Variants in STX1B observed in about 807,000 individuals in gnomAD.
The protein encoded by STX1B is syntaxin-1B.
A neutral mutation model predicts 39.4 loss-of-function variants in STX1B; 7 were observed. The ratio of observed to expected loss-of-function variants is 0.18; its 90% CI spans 0.10 to 0.33. The LOEUF is 0.33. Among genes scored for constraint, STX1B ranks in the 10% least tolerant of loss-of-function variants. The pLI is 1.00. For missense variants in STX1B, 198 were observed against 383.2 expected, an observed-to-expected ratio of 0.52 and a Z score of 4.04; for synonymous variants, 136 against 144.1, an observed-to-expected ratio of 0.94 and a Z score of 0.40.
rs899117418 is a variant in STX1B, at chr16:30,991,935, C to T, written c.*886G>A. On this transcript the variant is annotated 3_prime_UTR_variant, in exon 10 of 10. Transcript: ENST00000215095. ...CACCATGTAGAGAGCCCCTAACACA[C>T]ACACACACGTGCATACACACGCACG... 1 of 152,238 alleles carries T rather than the reference C, an allele frequency of 6.6e-6. No individual in the cohort carries two copies. Among genetic ancestry groups the T allele is most frequent in the African/African-American group, 2.4e-5 (1 of 41,418 alleles). The allele number at this position is 152,238 out of a possible 1,614,324, so 9.4% of individuals were successfully genotyped here. A position where few individuals can be genotyped will look rare whatever the true frequency, so the allele number is the denominator to read the frequency against.
Position 31,001,152 on chromosome 16 carries a change from A to G in STX1B, c.147T>C (p.Asp49=), listed in dbSNP as rs1414837055. The part of the protein sequence containing the change: ...IRGCIEKLSE[D]VEQVKKQHSA... ...TATGCTGTTTTTTCACCTGCTCCAC[A>G]TCCTCCGACAGTTTCTCAATGCAGC... is the stretch of plus-strand genomic sequence containing the variant. Residue 49 remains aspartate, a synonymous_variant, in exon 3 of 10, where the codon GAT becomes GAC. Transcript: ENST00000215095. The surrounding 1 kb of genome is among the most constrained non-coding windows in gnomAD (Gnocchi z 5.5). 1.9e-6 allele frequency: 3 copies of G among 1,613,874 alleles called. No homozygotes were observed. The highest frequency in any genetic ancestry group is 1.1e-5 in the South Asian group (1 of 91,074).
chr16:30,992,788 G>C lies in STX1B; in HGVS notation c.*33C>G. ...GGGTATTGCTCCCGATGTGGTGGGG[G>C]AAGGGTCTGGGAGAGAGAAGGGTGG... On this transcript the variant is annotated 3_prime_UTR_variant, in exon 10 of 10. Transcript: ENST00000215095. The C allele has an allele frequency of 7.4e-7, 1 of 1,343,954 alleles. No individual in the cohort carries two copies. The highest frequency in any genetic ancestry group is 1.0e-6 in the Non-Finnish European group (1 of 966,888). 83.3% of individuals were successfully genotyped at this position (1,343,954 alleles called of 1,614,324 possible).
chr16:30,993,428 G>A lies in STX1B; in HGVS notation c.594C>T (p.His198=). Residue 198 remains histidine (H), a synonymous_variant, in exon 8 of 10, where the codon CAC becomes CAT. Transcript: ENST00000215095. Reference sequence around the variant, plus strand: ...TGGTCTCCAGCTTGATGATCTCATTGTGCCTCGTCTCAATCTCATTCAGCG... The same window carrying A: ...TGGTCTCCAGCTTGATGATCTCATTATGCCTCGTCTCAATCTCATTCAGCG... ...KQALNEIETR[H]NEIIKLETSI... is the part of the protein sequence containing the mutation. The A allele has an allele frequency of 6.2e-7, 1 of 1,614,008 alleles. No homozygotes were observed. The highest frequency in any genetic ancestry group is 1.3e-5 in the African/African-American group (1 of 75,016).
chr16:30,990,889 AGGTGTCGGGGAT>A lies in STX1B; in HGVS notation c.*1920_*1931del, dbSNP rs1230275080. ...GAGCAGCCTGAGGGTTCAGCAGGAG[AGGTGTCGGGGAT>A]GGGTCTCAGGACCCAGCCCACCCTG... On this transcript the variant is annotated 3_prime_UTR_variant, in exon 10 of 10. Coordinates refer to ENST00000215095, the MANE Select transcript of STX1B (RefSeq NM_052874.5). 1 of 152,118 alleles carries A rather than the reference AGGTGTCGGGGAT, an allele frequency of 6.6e-6. No individual in the cohort carries two copies. The highest frequency in any genetic ancestry group is 2.4e-5 in the African/African-American group (1 of 41,418). 9.4% of individuals were successfully genotyped at this position (152,118 alleles called of 1,614,324 possible).
In STX1B at chr16:30,989,492, C is replaced by T. The variant is rs2056535981; in HGVS notation, c.*3329G>A. 6.6e-6 allele frequency: 1 copy of T among 152,156 alleles called. No individual in the cohort carries two copies. Among genetic ancestry groups the T allele is most frequent in the Non-Finnish European group, 1.5e-5 (1 of 68,036 alleles). 9.4% of individuals were successfully genotyped at this position (152,156 alleles called of 1,614,324 possible). A position where few individuals can be genotyped will look rare whatever the true frequency, so the allele number is the denominator to read the frequency against. ...CTGGCTCTGGGCCCCAGCCAGGCCCCAGGAGTCCTGTCCCCTCTGAGAAGG... is the reference window on the plus strand; with the variant it reads ...CTGGCTCTGGGCCCCAGCCAGGCCCTAGGAGTCCTGTCCCCTCTGAGAAGG... On this transcript the variant is annotated 3_prime_UTR_variant, in exon 10 of 10. Transcript: ENST00000215095.
In STX1B at chr16:31,001,036, G is replaced by A; in HGVS notation, c.206-34C>T. On this transcript the variant is annotated intron_variant, in intron 3 of 9. Coordinates refer to ENST00000215095, the MANE Select transcript of STX1B (RefSeq NM_052874.5). This position sits in a 1 kb window ranked among gnomAD's most constrained non-coding sequence, Gnocchi z 5.5. ...AGGGCGAGGGCAAGTGAGATGTCTG[G>A]GTGGGAACCCCAGGCCCCTTCTCCT... 6.2e-7 allele frequency: 1 copy of A among 1,614,038 alleles called. No individual in the cohort carries two copies. Among genetic ancestry groups the A allele is most frequent in the Non-Finnish European group, 8.5e-7 (1 of 1,179,890 alleles).
intron 1 of STX1B, among the ~76,000 whole-genome samples, chr16:31,003,750 T>C (rs2056643426): frequency 6.6e-6 from 1 of 152,228 alleles, no homozygotes; most frequent in South Asian, 2.1e-4. Flanking sequence ...GGCCCAAGTG[T>C]GGTTTATTTG....
chr16:31,006,556 G>A (rs2056655935), intron 1 of STX1B, among the ~76,000 whole-genome samples: 1 of 152,186 alleles, frequency 6.6e-6, no homozygotes, highest in Non-Finnish European at 1.5e-5. Flanking sequence ...ATTTCAGATT[G>A]TGCTGAATAG....
At chr16:31,010,331 G>A in intron 1 of STX1B, 36 bp downstream of exon 1, 1 of 1,164,714 alleles carries the variant, frequency 8.6e-7, no homozygotes, top group African/African-American at 1.6e-5. Flanking sequence ...CAATATTGGG[G>A]TCCCGCCCCC....
At chr16:31,008,139 C>T (rs900925786) in intron 1 of STX1B, among the ~76,000 whole-genome samples, 44 of 152,148 alleles carry the variant, frequency 2.9e-4, no homozygotes, top group African/African-American at 9.9e-4. Context: ...CCAGGTCCCC[C>T]ACACCCTGCC....
intron 7 of STX1B, among the ~76,000 whole-genome samples, chr16:30,994,892 CTTTTTT>C (rs10524041): frequency 1.3e-3 from 126 of 99,810 alleles, no homozygotes; most frequent in Admixed American, 1.5e-3. Context: ...GTCTCCCCGT[CTTTTTT>C]TTTTTTTTTT....
rs1299977592 is a variant in STX1B at position 31,001,017 on chromosome 16, AG to A, written c.206-16del. 1 of 1,614,112 alleles carries A rather than the reference AG, an allele frequency of 6.2e-7. No homozygotes were observed. The highest frequency in any genetic ancestry group is 8.5e-7 in the Non-Finnish European group (1 of 1,180,012). ...CTGTTTGGTCTCTGAGGGGAGGGCGAGGGCAAGTGAGATGTCTGGGTGGGAA... is the reference window on the plus strand; with the variant it reads ...CTGTTTGGTCTCTGAGGGGAGGGCGAGGCAAGTGAGATGTCTGGGTGGGAA... On this transcript the variant is annotated splice_polypyrimidine_tract_variant and intron_variant, in intron 3 of 9. Coordinates refer to ENST00000215095, the MANE Select transcript of STX1B (RefSeq NM_052874.5). This position sits in a 1 kb window ranked among gnomAD's most constrained non-coding sequence, Gnocchi z 5.5.
chr16:31,003,568 G>A (rs954573275), intron 1 of STX1B, among the ~76,000 whole-genome samples: 7 of 152,118 alleles, frequency 4.6e-5, no homozygotes, highest in Admixed American at 4.6e-4. Flanking sequence ...GGGTGCCTGA[G>A]GACTTTCCTG....
At position 31,010,355 on chromosome 16, in the gene STX1B, C is replaced by T; in HGVS notation, c.30+12G>A. On this transcript the variant is annotated intron_variant, in intron 1 of 9. Transcript: ENST00000215095. Reference sequence around the variant, plus strand: ...GGTCCCGCCCCCCCATTCTCCCCACCCCCAAGCTCACACTCCGCAGCTCTT... The same window carrying T: ...GGTCCCGCCCCCCCATTCTCCCCACTCCCAAGCTCACACTCCGCAGCTCTT... 1 of 1,490,368 alleles carries T rather than the reference C, an allele frequency of 6.7e-7. No homozygotes were observed. The highest frequency in any genetic ancestry group is 9.0e-7 in the Non-Finnish European group (1 of 1,108,248). 92.3% of individuals were successfully genotyped at this position (1,490,368 alleles called of 1,614,324 possible). A position where few individuals can be genotyped will look rare whatever the true frequency, so the allele number is the denominator to read the frequency against.
rs1406389409 is a variant in STX1B at position 30,990,792 on chromosome 16, G to A, written c.*2029C>T. Reference sequence around the variant, plus strand: ...TTGTGCCTGTGCTGGCTACACAACAGGGGAGGTGCTAGCCCCTTCCTCACA... The same window carrying A: ...TTGTGCCTGTGCTGGCTACACAACAAGGGAGGTGCTAGCCCCTTCCTCACA... On this transcript the variant is annotated 3_prime_UTR_variant, in exon 10 of 10. Coordinates refer to ENST00000215095, the MANE Select transcript of STX1B (RefSeq NM_052874.5). 1.3e-5 allele frequency: 2 copies of A among 152,274 alleles called. No homozygotes were observed. The highest frequency in any genetic ancestry group is 1.3e-4 in the Admixed American group (2 of 15,284). The allele number at this position is 152,274 out of a possible 1,614,324, so 9.4% of individuals were successfully genotyped here.
At position 31,001,738 on chromosome 16, in the gene STX1B, G is replaced by C. The variant is rs986679908; in HGVS notation, c.31-135C>G. The C allele has an allele frequency of 1.5e-6, 1 of 656,694 alleles. No individual in the cohort carries two copies. Among genetic ancestry groups the C allele is most frequent in the African/African-American group, 1.8e-5 (1 of 54,952 alleles). 40.7% of individuals were successfully genotyped at this position (656,694 alleles called of 1,614,324 possible). A position where few individuals can be genotyped will look rare whatever the true frequency, so the allele number is the denominator to read the frequency against. On this transcript the variant is annotated intron_variant, in intron 1 of 9. Transcript: ENST00000215095. The surrounding 1 kb of genome is among the most constrained non-coding windows in gnomAD (Gnocchi z 5.5). The stretch of plus-strand genomic sequence containing the variant: ...TCTAGGCTCAGAGGAGGGGTCCTGG[G>C]AGGGGTCCCATGCAGGGTAGATGGC...
Position 30,992,482 on chromosome 16 carries a change from G to A in STX1B, c.*339C>T, listed in dbSNP as rs994998990. ...CGGTGAAGGGGGAAGCTCAGACCAC[G>A]CACACACACCCAAGGTGGGGGTGGA... On this transcript the variant is annotated 3_prime_UTR_variant, in exon 10 of 10. Coordinates refer to ENST00000215095, the MANE Select transcript of STX1B (RefSeq NM_052874.5). 8 of 281,584 alleles carry A rather than the reference G, an allele frequency of 2.8e-5. No homozygotes were observed. Among genetic ancestry groups the A allele is most frequent in the South Asian group, 5.5e-5 (1 of 18,140 alleles). The allele number at this position is 281,584 out of a possible 1,614,324, so 17.4% of individuals were successfully genotyped here. A position where few individuals can be genotyped will look rare whatever the true frequency, so the allele number is the denominator to read the frequency against.
At chr16:31,006,728 T>TCAGGGCAGAGGGAACAGCATG (rs1424197060) in intron 1 of STX1B, among the ~76,000 whole-genome samples, 1 of 152,040 alleles carries the variant, frequency 6.6e-6, no homozygotes, top group Non-Finnish European at 1.5e-5. Context: ...GAAACAGAAT[T>TCAGGGCAGAGGGAACAGCATG]CAGGGCAGAG....
chr16:31,001,098 A>G lies in STX1B; in HGVS notation c.201T>C (p.Asp67=), dbSNP rs1320688353. Reference sequence around the variant, plus strand: ...GTCACCGGCAGCCACACTCACTCTCATCTGGGTTGGGTGCGGCCAGGATGG... The same window carrying G: ...GTCACCGGCAGCCACACTCACTCTCGTCTGGGTTGGGTGCGGCCAGGATGG... ...HSAILAAPNP[D]EKTKQELEDL... Residue 67 remains aspartate, a synonymous_variant, in exon 3 of 10, where the codon GAT becomes GAC. Transcript: ENST00000215095. The surrounding 1 kb of genome is among the most constrained non-coding windows in gnomAD (Gnocchi z 5.5). 2 of 1,614,090 alleles carry G rather than the reference A, an allele frequency of 1.2e-6. No individual in the cohort carries two copies. The highest frequency in any genetic ancestry group is 1.3e-5 in the African/African-American group (1 of 75,036).
Sources: gnomAD v4.1 joint callset for allele counts (sites outside exome capture counted in the v4.1 genomes callset) on GRCh38, gnomAD v4.1.1 for gene constraint, Gnocchi (gnomAD v3.1) non-coding constraint, MANE v1.5 for transcripts, NCBI Gene and HGNC (gene_info 2026-07-23, HGNC 2026-07-21) for gene names.